The following KCNK10 variants were observed in gnomAD, a reference collection of about 807,000 sequenced individuals.
The protein encoded by KCNK10 is potassium channel subfamily K member 10.
A neutral mutation model predicts 47.7 loss-of-function variants in KCNK10; 25 were observed. That is an observed-to-expected ratio of 0.52 (90% CI 0.38 to 0.73). The LOEUF (loss-of-function observed/expected upper bound fraction) is 0.73, where lower values mean the gene tolerates loss of function less well. Ranked by LOEUF, KCNK10 falls within the 30% of genes least tolerant of loss-of-function variation. KCNK10 has a pLI of 0.00. For missense variants in KCNK10, 563 were observed against 714.5 expected (o/e 0.79, Z 2.42); for synonymous variants, 303 against 285.6 (o/e 1.06, Z -0.61).
At chr14:88,214,839 A>G (rs1343262716) in intron 4 of KCNK10, among the ~76,000 whole-genome samples, 1 of 152,210 alleles carries the variant, frequency 6.6e-6, no homozygotes, top group Admixed American at 6.5e-5. Flanking sequence ...TCTCTCAACT[A>G]GCCATTTTTA....
At position 88,322,879 on chromosome 14, in the gene KCNK10, G is replaced by C; in HGVS notation, c.-81C>G. The C allele has an allele frequency of 6.2e-7, 1 of 1,606,286 alleles. No individual in the cohort carries two copies. The highest frequency in any genetic ancestry group is 8.5e-7 in the Non-Finnish European group (1 of 1,176,272). On this transcript the variant is annotated 5_prime_UTR_variant, in exon 1 of 7. Transcript: ENST00000319231. This position sits in a 1 kb window ranked among gnomAD's most constrained non-coding sequence, Gnocchi z 4.8. ...CTCAAGCTTTACACGCCTCGGTTTA[G>C]CAGTCCAACAAAACAATTTCCGAGG...
intron 3 of KCNK10, among the ~76,000 whole-genome samples, chr14:88,230,348 G>C (rs1442547503): frequency 6.6e-6 from 1 of 152,168 alleles, no homozygotes; most frequent in Non-Finnish European, 1.5e-5. Context: ...AACTCCACAA[G>C]GGCAAACAGC....
chr14:88,220,416 CAAAAAAAAAAAAAAAAAAAAAAAAAAA>C (rs58562095), intron 4 of KCNK10, among the ~76,000 whole-genome samples: 3 of 30,160 alleles, frequency 9.9e-5, no homozygotes, highest in East Asian at 1.7e-3. Context: ...GACTCCGTCT[CAAAAAAAAAAAAAAAAAAAAAAAAAAA>C]AAAAAAAAAA....
At chr14:88,199,741 T>C (rs1385778057) in intron 4 of KCNK10, among the ~76,000 whole-genome samples, 1 of 152,176 alleles carries the variant, frequency 6.6e-6, no homozygotes, top group Non-Finnish European at 1.5e-5. Flanking sequence ...CCCACTCCCA[T>C]GAGTAGCCCA....
chr14:88,325,198 G>T (rs1268204438), upstream of KCNK10, among the ~76,000 whole-genome samples: 2 of 152,150 alleles, frequency 1.3e-5, no homozygotes, highest in Admixed American at 1.3e-4. Context: ...AGAGGGAGAT[G>T]CTTCTAAGAA....
upstream of KCNK10, among the ~76,000 whole-genome samples, chr14:88,326,232 C>T (rs7142312): frequency 0.16 from 22,764 of 144,826 alleles, 2,203 homozygotes; most frequent in African/African-American, 0.26. Context: ...ATCCCAGTAC[C>T]GTTTCCCAAA....
intron 2 of KCNK10, among the ~76,000 whole-genome samples, chr14:88,244,561 G>A (rs966923263): frequency 5.3e-5 from 8 of 151,978 alleles, no homozygotes; most frequent in South Asian, 2.1e-4. Context: ...CCAGCTACTC[G>A]GGAGGCTGAG....
At chr14:88,216,980 C>A (rs552305572) in intron 4 of KCNK10, among the ~76,000 whole-genome samples, 5 of 152,080 alleles carry the variant, frequency 3.3e-5, no homozygotes, top group African/African-American at 4.8e-5. Flanking sequence ...TATGGTGAAA[C>A]CTCGTCTCTA....
At chr14:88,289,996 C>T (rs1165820040) in intron 1 of KCNK10, among the ~76,000 whole-genome samples, 1 of 152,198 alleles carries the variant, frequency 6.6e-6, no homozygotes, top group East Asian at 1.9e-4. Flanking sequence ...TAGATACTTA[C>T]AGGACAACTT....
At chr14:88,266,489 C>A (rs544617790) in intron 1 of KCNK10, among the ~76,000 whole-genome samples, 48 of 152,330 alleles carry the variant, frequency 3.2e-4, no homozygotes, top group Admixed American at 3.0e-3. Flanking sequence ...ACTAGCCTAT[C>A]AACTTCTTGG....
At chr14:88,286,774 C>T (rs939800782) in intron 1 of KCNK10, among the ~76,000 whole-genome samples, 5 of 152,104 alleles carry the variant, frequency 3.3e-5, no homozygotes, top group Non-Finnish European at 7.3e-5. Flanking sequence ...TTCACTACCA[C>T]GAGAACAGTA....
chr14:88,229,649 A>G (rs1214862450), intron 3 of KCNK10, among the ~76,000 whole-genome samples: 3 of 152,176 alleles, frequency 2.0e-5, no homozygotes, highest in African/African-American at 7.2e-5. Flanking sequence ...CACACTGCCC[A>G]GTGGACAGAA....
At chr14:88,287,677 GTGTGTGTGTGTGTGT>G (rs1887792568) in intron 1 of KCNK10, among the ~76,000 whole-genome samples, 1 of 36,902 alleles carries the variant, frequency 2.7e-5, no homozygotes, top group Non-Finnish European at 4.4e-5. Flanking sequence ...ATTCCATGGT[GTGTGTGTGTGTGTGT>G]GTGTGTGTGT....
At chr14:88,249,073 C>G (rs1481364984) in intron 2 of KCNK10, among the ~76,000 whole-genome samples, 4 of 152,284 alleles carry the variant, frequency 2.6e-5, no homozygotes, top group Non-Finnish European at 5.9e-5. Context: ...AAACATTTTT[C>G]TAAAGCTCAT....
chr14:88,324,773 T>G (rs1014519399), upstream of KCNK10, among the ~76,000 whole-genome samples: 1 of 152,210 alleles, frequency 6.6e-6, no homozygotes, highest in Non-Finnish European at 1.5e-5. Context: ...CCTTGAGGCT[T>G]CTGGGGAGCC....
intron 1 of KCNK10, among the ~76,000 whole-genome samples, chr14:88,301,657 A>AAAG (rs1888102495): frequency 6.6e-6 from 1 of 151,218 alleles, no homozygotes; most frequent in East Asian, 1.9e-4. Flanking sequence ...TAGGAGAAAA[A>AAAG]AAAAAAAGAG....
chr14:88,323,314 C>T, upstream of KCNK10: 2 of 983,906 alleles, frequency 2.0e-6, no homozygotes, highest in South Asian at 4.7e-5. Flanking sequence ...GCGCACACGC[C>T]CCACCCCGGC....
chr14:88,214,025 C>T lies in KCNK10; in HGVS notation c.681+13350G>A, dbSNP rs568491929. Among the ~76,000 whole-genome samples, 324 of 151,612 alleles carry T rather than the reference C, an allele frequency of 2.1e-3. 1 individual carries two copies. Among genetic ancestry groups the T allele is most frequent in the African/African-American group, 7.4e-3 (307 of 41,318 alleles). ...TGTGATCTTGGCTCACTGCAACCTC[C>T]GCCTCCCAGGTTCAAGTGATTCTCC... On this transcript the variant is annotated intron_variant, in intron 4 of 6. Transcript: ENST00000319231.
chr14:88,279,167 C>G (rs1887591411), intron 1 of KCNK10, among the ~76,000 whole-genome samples: 1 of 152,134 alleles, frequency 6.6e-6, no homozygotes, highest in South Asian at 2.1e-4. Context: ...TTCTATCAAA[C>G]CAGCATTTGA....
Sources: gnomAD v4.1 joint callset for allele counts (sites outside exome capture counted in the v4.1 genomes callset) on GRCh38, gnomAD v4.1.1 for gene constraint, Gnocchi (gnomAD v3.1) non-coding constraint, MANE v1.5 for transcripts, NCBI Gene and HGNC (gene_info 2026-07-23, HGNC 2026-07-21) for gene names.